The following ME1 variants were observed in gnomAD, a reference collection of about 807,000 sequenced individuals.
ME1 encodes the protein malic enzyme 1, also known as NADP-dependent malic enzyme.
Under a neutral mutation model 66.4 loss-of-function variants are expected in ME1, and 74 were observed. The ratio of observed to expected loss-of-function variants is 1.11; its 90% CI spans 0.92 to 1.35. ME1 has a LOEUF of 1.35. Ranked by LOEUF, ME1 falls within the 40% of genes most tolerant of loss-of-function variation. The pLI, the probability that ME1 is intolerant of heterozygous loss-of-function variation, is 0.00. For missense variants in ME1, 750 were observed against 694.1 expected (o/e 1.08, Z -0.90); for synonymous variants, 251 against 235.6 (o/e 1.07, Z -0.60).
At chr6:83,255,655 A>T (rs1583343004) in intron 6 of ME1, among the ~76,000 whole-genome samples, 1 of 152,096 alleles carries the variant, frequency 6.6e-6, no homozygotes, top group East Asian at 1.9e-4. Flanking sequence ...CTATGTCAGC[A>T]CCATTTATTT....
At chr6:83,323,466 A>G (rs1340120190) in intron 5 of ME1, among the ~76,000 whole-genome samples, 1 of 151,580 alleles carries the variant, frequency 6.6e-6, no homozygotes, top group Non-Finnish European at 1.5e-5. Flanking sequence ...AAGATTTACC[A>G]AGCAAATGGG....
At chr6:83,366,905 A>G (rs1459463343) in intron 3 of ME1, among the ~76,000 whole-genome samples, 1 of 152,210 alleles carries the variant, frequency 6.6e-6, no homozygotes, top group Non-Finnish European at 1.5e-5. Context: ...TAGACTAGTG[A>G]ATCCTTTCCA....
intron 3 of ME1, among the ~76,000 whole-genome samples, chr6:83,368,565 A>C (rs765374615): frequency 6.6e-5 from 10 of 152,084 alleles, no homozygotes; most frequent in Non-Finnish European, 1.3e-4. Context: ...TTTTTGTTGC[A>C]TTTAGTCCAC....
intron 3 of ME1, among the ~76,000 whole-genome samples, chr6:83,358,928 T>C (rs1184970745): frequency 6.6e-6 from 1 of 152,196 alleles, no homozygotes; most frequent in Non-Finnish European, 1.5e-5. Flanking sequence ...AAAAGTAAAC[T>C]TTAATGTTGA....
At position 83,358,059 on chromosome 6, in the gene ME1, T is replaced by C. The variant is rs186868946; in HGVS notation, c.363-5920A>G. Among the ~76,000 whole-genome samples, 1,008 of 149,032 alleles carry C rather than the reference T, an allele frequency of 6.8e-3. 11 individuals are homozygous for C. Among genetic ancestry groups the C allele is most frequent in the Middle Eastern group, 0.01 (3 of 288 alleles). Reference sequence around the variant, plus strand: ...AGAGAACCCTGACTAATACAGATTTTGGTATAAGGAGTGGTTCTAGTGGAA... The same window carrying C: ...AGAGAACCCTGACTAATACAGATTTCGGTATAAGGAGTGGTTCTAGTGGAA... On this transcript the variant is annotated intron_variant, in intron 3 of 13. Transcript: ENST00000369705.
intron 6 of ME1, among the ~76,000 whole-genome samples, chr6:83,292,199 T>C (rs1421837973): frequency 2.0e-5 from 3 of 152,162 alleles, no homozygotes; most frequent in East Asian, 1.9e-4. Context: ...AGAAGAGGTG[T>C]TCTGTTTTTT....
chr6:83,249,812 C>T (rs1583339949), intron 7 of ME1, among the ~76,000 whole-genome samples: 1 of 152,234 alleles, frequency 6.6e-6, no homozygotes, highest in East Asian at 1.9e-4. Flanking sequence ...GCCTCTAATT[C>T]AATCATCCTT....
rs544491199 is a variant in ME1 at position 83,282,957 on chromosome 6, G to A, written c.705-29219C>T. On this transcript the variant is annotated intron_variant, in intron 6 of 13. Transcript: ENST00000369705. Reference sequence around the variant, plus strand: ...AAAAATGATGAGTTCGGCCGGGCGCGGTGGCTCAAGCCTGTAATCCCAGCA... The same window carrying A: ...AAAAATGATGAGTTCGGCCGGGCGCAGTGGCTCAAGCCTGTAATCCCAGCA... 3.3e-5 allele frequency among the ~76,000 whole-genome samples: 5 copies of A among 151,742 alleles called. No homozygotes were observed. In the South Asian group the frequency reaches 8.3e-4, roughly 25 times the overall value.
intron 12 of ME1, among the ~76,000 whole-genome samples, chr6:83,222,813 T>G (rs1200621314): frequency 6.6e-6 from 1 of 152,192 alleles, no homozygotes. Flanking sequence ...CTTGTTAGCT[T>G]GCAAGTAGAG....
chr6:83,286,705 A>G (rs965096028), intron 6 of ME1, among the ~76,000 whole-genome samples: 3 of 152,220 alleles, frequency 2.0e-5, no homozygotes, highest in African/African-American at 7.2e-5. Context: ...AGAAAAACAC[A>G]AAGAAGTGAT....
chr6:83,271,442 T>C (rs1482520302), intron 6 of ME1, among the ~76,000 whole-genome samples: 1 of 152,158 alleles, frequency 6.6e-6, no homozygotes, highest in Admixed American at 6.5e-5. Context: ...TTTGGCAATG[T>C]TGAATAATAA....
intron 9 of ME1, among the ~76,000 whole-genome samples, chr6:83,235,256 A>G (rs959919233): frequency 2.8e-4 from 42 of 152,172 alleles, no homozygotes; most frequent in African/African-American, 9.9e-4. Context: ...ATACTTTCAT[A>G]TGGTTCTAGT....
chr6:83,215,914 A>T (rs1789983654), intron 13 of ME1, among the ~76,000 whole-genome samples: 1 of 152,242 alleles, frequency 6.6e-6, no homozygotes, highest in African/African-American at 2.4e-5. Context: ...CTGCAAAAAA[A>T]GTCCACTTAT....
intron 6 of ME1, among the ~76,000 whole-genome samples, chr6:83,269,933 G>A (rs1249270582): frequency 6.6e-6 from 1 of 152,074 alleles, no homozygotes; most frequent in African/African-American, 2.4e-5. Flanking sequence ...CCAAAATTCT[G>A]TATTACTCCA....
intron 1 of ME1, among the ~76,000 whole-genome samples, chr6:83,425,297 C>G (rs1214416961): frequency 6.6e-6 from 1 of 152,148 alleles, no homozygotes; most frequent in Admixed American, 6.6e-5. Flanking sequence ...GCCATCACAA[C>G]TAGCCTGATA....
intron 1 of ME1, among the ~76,000 whole-genome samples, chr6:83,427,709 A>G (rs1015643502): frequency 2.0e-5 from 3 of 152,174 alleles, no homozygotes; most frequent in Non-Finnish European, 2.9e-5. Flanking sequence ...CAAAGAAATA[A>G]GAAAAAAAAA....
intron 3 of ME1, among the ~76,000 whole-genome samples, chr6:83,353,914 T>C (rs912270364): frequency 6.6e-6 from 1 of 152,174 alleles, no homozygotes; most frequent in African/African-American, 2.4e-5. Context: ...TCTTGACTGT[T>C]TGACATTGTT....
chr6:83,364,939 C>T (rs1444767822), intron 3 of ME1, among the ~76,000 whole-genome samples: 1 of 152,128 alleles, frequency 6.6e-6, no homozygotes, highest in African/African-American at 2.4e-5. Flanking sequence ...ACTCACCTCA[C>T]TCAGACACCA....
intron 2 of ME1, among the ~76,000 whole-genome samples, chr6:83,401,291 C>T (rs1002886937): frequency 5.9e-5 from 9 of 152,240 alleles, no homozygotes; most frequent in African/African-American, 7.2e-5. Flanking sequence ...GCTATGGTCA[C>T]GTCAGTGCAC....
Sources: gnomAD v4.1 joint callset for allele counts (sites outside exome capture counted in the v4.1 genomes callset) on GRCh38, gnomAD v4.1.1 for gene constraint, MANE v1.5 for transcripts, NCBI Gene and HGNC (gene_info 2026-07-23, HGNC 2026-07-21) for gene names.